The following EPHX2 variants were observed in gnomAD, a reference collection of about 807,000 sequenced individuals.
EPHX2 encodes the protein bifunctional epoxide hydrolase 2.
Under a neutral mutation model 78.7 loss-of-function variants are expected in EPHX2, and 74 were observed. The observed-to-expected ratio is 0.94, with a 90% CI of 0.78 to 1.14. The LOEUF (loss-of-function observed/expected upper bound fraction) is 1.14. Ranked by LOEUF, EPHX2 falls within the 50% of genes most tolerant of loss-of-function variation. The probability of loss-of-function intolerance (pLI) is 0.00; values close to 1 mark genes in which losing one functional copy is unlikely to be tolerated. For synonymous variants in EPHX2, 251 were observed against 255.2 expected, an observed-to-expected ratio of 0.98 and a Z score of 0.16; for missense variants, 715 against 702.5, an observed-to-expected ratio of 1.02 and a Z score of -0.20.
chr8:27,531,011 C>T (rs1237767275), intron 12 of EPHX2, among the ~76,000 whole-genome samples: 1 of 152,138 alleles, frequency 6.6e-6, no homozygotes, highest in Non-Finnish European at 1.5e-5. Context: ...GACTTACCTG[C>T]CTCGGCCTCC....
rs759713879 is a variant in EPHX2 at position 27,518,011 on chromosome 8, A to C, written c.911-27A>C. 5 of 1,554,690 alleles carry C rather than the reference A, an allele frequency of 3.2e-6. No homozygotes were observed. The South Asian group carries it at 5.9e-5, about 18-fold the overall frequency. On this transcript the variant is annotated intron_variant, in intron 8 of 18. Transcript: ENST00000521400. ...ATATATTTTAAGTAACGTGAATTAA[A>C]TATGTTTCTTTTATTTTTAATTGCA...
intron 1 of EPHX2, among the ~76,000 whole-genome samples, chr8:27,498,808 A>T (rs1161277221): frequency 6.6e-6 from 1 of 152,222 alleles, no homozygotes; most frequent in Admixed American, 6.5e-5. Context: ...GAATGTGGTG[A>T]TGCTTACACA....
At chr8:27,496,370 A>G (rs1586427388) in intron 1 of EPHX2, among the ~76,000 whole-genome samples, 1 of 152,104 alleles carries the variant, frequency 6.6e-6, no homozygotes, top group South Asian at 2.1e-4. Context: ...CTATCCCTAA[A>G]CCCTTGAGGC....
intron 14 of EPHX2, chr8:27,539,313 G>T (rs1345754643): frequency 6.6e-6 from 1 of 152,282 alleles, no homozygotes; most frequent in Non-Finnish European, 1.5e-5. Context: ...CACTTGTTTG[G>T]GCACGTGCTG....
At chr8:27,505,208 C>G in intron 4 of EPHX2, 62 bp downstream of exon 4, 1 of 1,558,822 alleles carries the variant, frequency 6.4e-7, no homozygotes, top group Non-Finnish European at 8.8e-7. Context: ...CAGGGAAAAA[C>G]TGAGGAGTGA....
At chr8:27,533,273 C>T (rs1366282329) in intron 12 of EPHX2, among the ~76,000 whole-genome samples, 1 of 152,130 alleles carries the variant, frequency 6.6e-6, no homozygotes, top group Non-Finnish European at 1.5e-5. Context: ...AAGAAGTTCC[C>T]CAGCTGGTAA....
At chr8:27,501,396 T>TTCTTCTTCCTTCTTCCTTCTTCCTTCTTC in intron 2 of EPHX2, among the ~76,000 whole-genome samples, 1 of 129,264 alleles carries the variant, frequency 7.7e-6, no homozygotes, top group African/African-American at 2.9e-5. Context: ...TCTTCTTCTT[T>TTCTTCTTCCTTCTTCCTTCTTCCTTCTTC]CTTCTTTCTT....
At chr8:27,492,547 GA>G (rs933428206) in intron 1 of EPHX2, among the ~76,000 whole-genome samples, 3 of 152,174 alleles carry the variant, frequency 2.0e-5, no homozygotes, top group African/African-American at 7.2e-5. Context: ...CACTCGTAAA[GA>G]TGGCGCAGAC....
Position 27,501,324 on chromosome 8 carries a change from T to TTTCTTCTTCTTCTTCTTCTTC in EPHX2, c.186+365_186+385dup, listed in dbSNP as rs796293855. Among the ~76,000 whole-genome samples the TTTCTTCTTCTTCTTCTTCTTC allele has an allele frequency of 4.5e-3, 463 of 103,000 alleles. 4 individuals carry two copies. Among genetic ancestry groups the TTTCTTCTTCTTCTTCTTCTTC allele is most frequent in the East Asian group, 6.2e-3 (20 of 3,238 alleles). The allele number at this position is 103,000 out of a possible 152,430, so 67.6% of individuals were successfully genotyped here. ...TAAGAAAGAGGGAAATGCTATATAT[T>TTTCTTCTTCTTCTTCTTCTTC]TTCTTCTTCTTCTTCTTCTTCTTCT... On this transcript the variant is annotated intron_variant, in intron 2 of 18. Transcript: ENST00000521400.
intron 15 of EPHX2, among the ~76,000 whole-genome samples, chr8:27,541,048 G>C (rs1301422570): frequency 6.6e-6 from 1 of 152,138 alleles, no homozygotes; most frequent in Non-Finnish European, 1.5e-5. Context: ...TATTAGGAGG[G>C]GGCATCTTTG....
intron 16 of EPHX2, among the ~76,000 whole-genome samples, chr8:27,542,440 A>G (rs1815432297): frequency 6.6e-6 from 1 of 152,132 alleles, no homozygotes; most frequent in Non-Finnish European, 1.5e-5. Context: ...GTAAGGATGA[A>G]ATGGTTGAAG....
chr8:27,530,126 TCCTCCCACCTCAG>T (rs1814986304), intron 12 of EPHX2, among the ~76,000 whole-genome samples: 3 of 151,526 alleles, frequency 2.0e-5, no homozygotes, highest in Non-Finnish European at 4.4e-5. Flanking sequence ...CGTCAAGTGA[TCCTCCCACCTCAG>T]CCTCCCAAAC....
At position 27,544,651 on chromosome 8, in the gene EPHX2, GA is replaced by G. The variant is rs1368088310; in HGVS notation, c.*137del. The G allele has an allele frequency of 1.0e-5, 9 of 887,590 alleles. No homozygotes were observed. Among genetic ancestry groups the G allele is most frequent in the Admixed American group, 7.7e-5 (3 of 39,186 alleles). 55.0% of individuals were successfully genotyped at this position (887,590 alleles called of 1,614,324 possible). Reference sequence around the variant, plus strand: ...CAGCATTGTTCTGAAGGGGTTTGCAGAAAAAAAAGATTTTCTTTACATAAAG... The same window carrying G: ...CAGCATTGTTCTGAAGGGGTTTGCAGAAAAAAAGATTTTCTTTACATAAAG... On this transcript the variant is annotated 3_prime_UTR_variant, in exon 19 of 19. Coordinates refer to ENST00000521400, the MANE Select transcript of EPHX2 (RefSeq NM_001979.6).
In EPHX2 at chr8:27,524,930, A is replaced by G. The variant is rs755915840; in HGVS notation, c.1059-432A>G. ...CATTTTACATTTTCTCTCCTCTAGT[A>G]TATGCCATAGAATTATGCTCAATCC... On this transcript the variant is annotated intron_variant, in intron 11 of 18. Coordinates refer to ENST00000521400, the MANE Select transcript of EPHX2 (RefSeq NM_001979.6). Among the ~76,000 whole-genome samples, 4 of 152,264 alleles carry G rather than the reference A, an allele frequency of 2.6e-5. No homozygotes were observed. In the South Asian group the frequency reaches 8.3e-4, roughly 32 times the overall value.
rs1814420449 is a variant in EPHX2, at chr8:27,515,666, G to A, written c.736-52G>A. On this transcript the variant is annotated intron_variant, in intron 6 of 18. Coordinates refer to ENST00000521400, the MANE Select transcript of EPHX2 (RefSeq NM_001979.6). The stretch of plus-strand genomic sequence containing the variant: ...ATTCTGCAGACGCTGTGGGGCCTGG[G>A]TCCACTGGGCCTGGTGCTTGGTCGC... 1.1e-5 allele frequency: 16 copies of A among 1,496,686 alleles called. No homozygotes were observed. In the South Asian group the frequency reaches 1.8e-4, roughly 17 times the overall value. 92.7% of individuals were successfully genotyped at this position (1,496,686 alleles called of 1,614,324 possible).
intron 12 of EPHX2, among the ~76,000 whole-genome samples, chr8:27,532,268 G>T (rs1815070321): frequency 6.6e-6 from 1 of 152,030 alleles, no homozygotes; most frequent in Non-Finnish European, 1.5e-5. Context: ...GTAAGCTGGG[G>T]GCCAGAAATG....
intron 11 of EPHX2, among the ~76,000 whole-genome samples, chr8:27,523,690 C>G (rs187029752): frequency 6.6e-6 from 1 of 152,104 alleles, no homozygotes; most frequent in South Asian, 2.1e-4. Flanking sequence ...TTGTTGTGTT[C>G]ATCTCTCTAG....
At position 27,544,598 on chromosome 8, in the gene EPHX2, T is replaced by C; in HGVS notation, c.*76T>C. 1 of 1,498,628 alleles carries C rather than the reference T, an allele frequency of 6.7e-7. No homozygotes were observed. The highest frequency in any genetic ancestry group is 9.3e-7 in the Non-Finnish European group (1 of 1,076,958). 92.8% of individuals were successfully genotyped at this position (1,498,628 alleles called of 1,614,324 possible). The stretch of plus-strand genomic sequence containing the variant: ...GGGCACCATTCTTAGTATACAGAGG[T>C]GGCCTTACACACATCTTGCATGGAT... On this transcript the variant is annotated 3_prime_UTR_variant, in exon 19 of 19. Transcript: ENST00000521400.
rs9785111 is a variant in EPHX2, at chr8:27,495,998, C to T, written c.101+4689C>T. Among the ~76,000 whole-genome samples the T allele has an allele frequency of 3.1e-3, 470 of 152,278 alleles. 2 individuals carry two copies. Among genetic ancestry groups the T allele is most frequent in the African/African-American group, 0.011 (440 of 41,570 alleles). ...AGAGCATAGAGTGGCCTGGCCATCT[C>T]GCTGTATCTGGGGATCCATAGTCGG... On this transcript the variant is annotated intron_variant, in intron 1 of 18. Coordinates refer to ENST00000521400, the MANE Select transcript of EPHX2 (RefSeq NM_001979.6).
Sources: allele counts gnomAD v4.1 joint callset (sites outside exome capture counted in the v4.1 genomes callset), GRCh38; gene constraint gnomAD v4.1.1; transcripts MANE v1.5; gene names NCBI Gene and HGNC (gene_info 2026-07-23, HGNC 2026-07-21).